TMCC1: variants seen among roughly 807,000 people sequenced by gnomAD.
TMCC1 encodes transmembrane and coiled-coil domains protein 1.
Under a neutral mutation model 52.4 loss-of-function variants are expected in TMCC1, and 15 were observed. The ratio of observed to expected loss-of-function variants is 0.29; its 90% CI spans 0.19 to 0.44. TMCC1 has a LOEUF of 0.44. Ranked by LOEUF, TMCC1 falls within the 20% of genes least tolerant of loss-of-function variation. TMCC1 has a pLI of 1.00. For missense variants in TMCC1, 503 were observed against 806.0 expected, an observed-to-expected ratio of 0.62 and a Z score of 4.55; for synonymous variants, 279 against 301.9, an observed-to-expected ratio of 0.92 and a Z score of 0.79.
chr3:129,720,093 G>C (rs1345277080), intron 4 of TMCC1, among the ~76,000 whole-genome samples: 3 of 151,056 alleles, frequency 2.0e-5, no homozygotes, highest in Admixed American at 1.3e-4. Context: ...GAGCCAGGAG[G>C]ATGGCTTGAG....
intron 3 of TMCC1, among the ~76,000 whole-genome samples, chr3:129,830,967 C>T (rs1317721983): frequency 2.6e-5 from 4 of 152,176 alleles, no homozygotes; most frequent in Non-Finnish European, 4.4e-5. Context: ...CGGAGTCTTG[C>T]TCTTTCACCC....
intron 4 of TMCC1, among the ~76,000 whole-genome samples, chr3:129,707,510 AGTCTTTAGTT>A: frequency 6.6e-6 from 1 of 152,262 alleles, no homozygotes; most frequent in South Asian, 2.1e-4. Context: ...AACATGGAAT[AGTCTTTAGTT>A]TGCTACTGAC....
intron 1 of TMCC1, among the ~76,000 whole-genome samples, chr3:129,888,546 T>C (rs1560627744): frequency 2.0e-5 from 3 of 152,166 alleles, no homozygotes. Context: ...GCATCTTATG[T>C]TGCCAGAAAG....
chr3:129,782,413 T>C (rs1380823660), intron 4 of TMCC1, among the ~76,000 whole-genome samples: 2 of 152,052 alleles, frequency 1.3e-5, no homozygotes, highest in Non-Finnish European at 1.5e-5. Context: ...GAGGGAAAGA[T>C]CAAGATGTAA....
intron 2 of TMCC1, among the ~76,000 whole-genome samples, chr3:129,866,383 T>G (rs1317003024): frequency 1.5e-5 from 2 of 134,218 alleles, no homozygotes; most frequent in East Asian, 4.0e-4. Flanking sequence ...TATATGTTTT[T>G]TTTTTTTTTT....
intron 4 of TMCC1, among the ~76,000 whole-genome samples, chr3:129,787,209 T>A (rs72985375): frequency 6.6e-6 from 1 of 152,144 alleles, no homozygotes; most frequent in African/African-American, 2.4e-5. Context: ...CAAAGTCACA[T>A]AGCCATGATT....
chr3:129,670,199 G>A (rs2087802846), intron 5 of TMCC1, 131 bp downstream of exon 5: 1 of 895,744 alleles, frequency 1.1e-6, no homozygotes, highest in African/African-American at 1.7e-5. Context: ...TCATGTGGAT[G>A]TCTTATGACA....
intron 4 of TMCC1, among the ~76,000 whole-genome samples, chr3:129,730,861 G>A (rs572893781): frequency 6.6e-6 from 1 of 152,340 alleles, no homozygotes; most frequent in East Asian, 1.9e-4. Context: ...TTATATAACA[G>A]TTTTTAAAAT....
Position 129,828,146 on chromosome 3 carries a change from T to C in TMCC1, c.233A>G (p.Glu78Gly), listed in dbSNP as rs749022532. ...CTGGCTTTCCAGATCCATTTCAGGT[T>C]CTGGATCTGCCTGAATTTGCTGCAC... ...HDVQQIQADP[E>G]PEMDLESQNA... Residue 78 changes from glutamate (E) to glycine (G), a missense_variant, in exon 4 of 7, where the codon GAA becomes GGA. By Grantham distance (98) the Glu-to-Gly change is moderately conservative (BLOSUM62 -2). Around this residue, in one of 7 missense-constraint regions of TMCC1, gnomAD observed 217 missense variants for 297.9 expected, o/e 0.73. Coordinates refer to ENST00000393238, the MANE Select transcript of TMCC1 (RefSeq NM_001017395.5). This position sits in a 1 kb window ranked among gnomAD's most constrained non-coding sequence, Gnocchi z 4.1. The C allele has an allele frequency of 1.2e-6, 2 of 1,614,166 alleles. No homozygotes were observed. Among genetic ancestry groups the C allele is most frequent in the Non-Finnish European group, 8.5e-7 (1 of 1,180,028 alleles).
intron 4 of TMCC1, among the ~76,000 whole-genome samples, chr3:129,740,835 A>G (rs1428953125): frequency 6.6e-6 from 1 of 152,198 alleles, no homozygotes; most frequent in African/African-American, 2.4e-5. Flanking sequence ...CAAAAATTTC[A>G]AAGATTCTAG....
At chr3:129,816,001 TA>T (rs1301386467) in intron 4 of TMCC1, among the ~76,000 whole-genome samples, 1 of 152,164 alleles carries the variant, frequency 6.6e-6, no homozygotes, top group East Asian at 1.9e-4. Flanking sequence ...TCAATATCAC[TA>T]ATCATCAGAG....
intron 4 of TMCC1, among the ~76,000 whole-genome samples, chr3:129,747,790 A>G (rs975789528): frequency 1.4e-4 from 21 of 152,104 alleles, no homozygotes; most frequent in Admixed American, 1.4e-3. Context: ...GTACAGCTGC[A>G]CAGACCCATT....
At position 129,866,300 on chromosome 3, in the gene TMCC1, AATATATACATATATT is replaced by A. The variant is rs1270241035; in HGVS notation, c.-184+13994_-184+14008del. ...ATATATACATATATACATAATATATAATATATACATATATTATATATACATATATACATAATATAT... is the reference window on the plus strand; with the variant it reads ...ATATATACATATATACATAATATATAATATATACATATATACATAATATAT... On this transcript the variant is annotated intron_variant, in intron 2 of 6. Coordinates refer to ENST00000393238, the MANE Select transcript of TMCC1 (RefSeq NM_001017395.5). 6.6e-4 allele frequency among the ~76,000 whole-genome samples: 81 copies of A among 123,292 alleles called. No homozygotes were observed. The Middle Eastern group carries it at 0.023, about 35-fold the overall frequency. The allele number at this position is 123,292 out of a possible 152,430, so 80.9% of individuals were successfully genotyped here.
chr3:129,704,670 C>T (rs2048087783), intron 4 of TMCC1, among the ~76,000 whole-genome samples: 1 of 152,148 alleles, frequency 6.6e-6, no homozygotes, highest in African/African-American at 2.4e-5. Context: ...CCTCCCACCT[C>T]GGCCTCCCAA....
chr3:129,756,341 A>G (rs932681629), intron 4 of TMCC1, among the ~76,000 whole-genome samples: 1 of 152,222 alleles, frequency 6.6e-6, no homozygotes, highest in African/African-American at 2.4e-5. Context: ...CATTCATACA[A>G]TGGAATACTA....
At chr3:129,840,700 TC>T (rs2059385809) in intron 2 of TMCC1, among the ~76,000 whole-genome samples, 1 of 152,104 alleles carries the variant, frequency 6.6e-6, no homozygotes, top group Non-Finnish European at 1.5e-5. Flanking sequence ...ATGTGACAGT[TC>T]CCCACCCCAC....
chr3:129,888,780 T>C (rs567864293), intron 1 of TMCC1, among the ~76,000 whole-genome samples: 67 of 152,278 alleles, frequency 4.4e-4, no homozygotes, highest in African/African-American at 1.4e-3. Flanking sequence ...AAGAGTAACT[T>C]TGCAGAAAAC....
At chr3:129,777,647 C>T (rs552523890) in intron 4 of TMCC1, among the ~76,000 whole-genome samples, 1 of 152,282 alleles carries the variant, frequency 6.6e-6, no homozygotes, top group East Asian at 1.9e-4. Context: ...CTTGACTTTT[C>T]TAAAACTAGA....
intron 4 of TMCC1, among the ~76,000 whole-genome samples, chr3:129,731,749 G>A (rs967220108): frequency 6.6e-6 from 1 of 151,758 alleles, no homozygotes; most frequent in Non-Finnish European, 1.5e-5. Flanking sequence ...GCCTCCCAAG[G>A]AGCTGAGACT....
Sources: allele counts gnomAD v4.1 joint callset (sites outside exome capture counted in the v4.1 genomes callset), GRCh38; gene constraint gnomAD v4.1.1; regional missense constraint gnomAD v4.1.1; non-coding constraint Gnocchi (gnomAD v3.1); transcripts MANE v1.5; gene names NCBI Gene and HGNC (gene_info 2026-07-23, HGNC 2026-07-21).